NRG4: variants seen among roughly 807,000 people sequenced by gnomAD.
NRG4 encodes the protein pro-neuregulin-4, membrane-bound isoform.
A neutral mutation model predicts 15.0 loss-of-function variants in NRG4; 10 were observed. The ratio of observed to expected loss-of-function variants is 0.67; its 90% CI spans 0.41 to 1.13. NRG4 has a LOEUF of 1.13. Among genes scored for constraint, NRG4 ranks in the 50% most tolerant of loss-of-function variants. The pLI is 0.00. For missense variants in NRG4, 139 were observed against 140.2 expected, an observed-to-expected ratio of 0.99 and a Z score of 0.04; for synonymous variants, 41 against 50.1, an observed-to-expected ratio of 0.82 and a Z score of 0.77.
At chr15:76,033,867 C>T (rs954967927) in intron 5 of NRG4, among the ~76,000 whole-genome samples, 8 of 152,300 alleles carry the variant, frequency 5.3e-5, no homozygotes, top group Middle Eastern at 3.4e-3. Context: ...TGGACTAGAA[C>T]TGTATTACAT....
chr15:75,944,909 CTT>C (rs1020283669), intron 5 of NRG4, among the ~76,000 whole-genome samples: 5 of 151,430 alleles, frequency 3.3e-5, no homozygotes, highest in African/African-American at 1.2e-4. Flanking sequence ...GTTATGATGT[CTT>C]TTTCTTACAA....
At chr15:76,049,111 T>C (rs2035939147) in intron 4 of NRG4, among the ~76,000 whole-genome samples, 1 of 150,440 alleles carries the variant, frequency 6.6e-6, no homozygotes, top group South Asian at 2.1e-4. Flanking sequence ...TTCTCTGAAA[T>C]AAGAGGGTCA....
intron 5 of NRG4, among the ~76,000 whole-genome samples, chr15:76,025,632 T>G (rs1446313258): frequency 6.6e-6 from 1 of 152,070 alleles, no homozygotes; most frequent in Non-Finnish European, 1.5e-5. Flanking sequence ...CCCAGCACTT[T>G]TGGGAGGCCA....
chr15:75,965,758 G>A lies in NRG4; in HGVS notation c.105-3784C>T, dbSNP rs78614620. On this transcript the variant is annotated intron_variant, in intron 3 of 5. Transcript: ENST00000394907. ...AAATTTCAGGCAAACAGAATTAATCGACTCCTTCAAAAGTAAGGGTGGATT... is the reference window on the plus strand; with the variant it reads ...AAATTTCAGGCAAACAGAATTAATCAACTCCTTCAAAAGTAAGGGTGGATT... 2.6e-3 allele frequency among the ~76,000 whole-genome samples: 393 copies of A among 152,212 alleles called. 2 individuals carry two copies. Among genetic ancestry groups the A allele is most frequent in the African/African-American group, 9.0e-3 (372 of 41,534 alleles).
At chr15:75,944,098 G>A (rs1480032244) in intron 5 of NRG4, among the ~76,000 whole-genome samples, 3 of 152,182 alleles carry the variant, frequency 2.0e-5, no homozygotes, top group Non-Finnish European at 4.4e-5. Context: ...AATAAAACCT[G>A]TGGCTAATTG....
At chr15:75,959,088 C>A (rs1377509120) in intron 4 of NRG4, 1 of 376,236 alleles carries the variant, frequency 2.7e-6, no homozygotes, top group Admixed American at 3.1e-5. Flanking sequence ...CTCAAGCGAT[C>A]TTCCCATCTC....
chr15:75,982,506 A>G (rs2141854005), intron 3 of NRG4, among the ~76,000 whole-genome samples: 1 of 152,298 alleles, frequency 6.6e-6, no homozygotes, highest in African/African-American at 2.4e-5. Context: ...CTATAGAATG[A>G]CCACCACTTC....
At chr15:76,057,465 C>A (rs551611157) in intron 1 of NRG4, among the ~76,000 whole-genome samples, 9 of 152,298 alleles carry the variant, frequency 5.9e-5, no homozygotes, top group African/African-American at 1.9e-4. Flanking sequence ...AAGGGCTAAT[C>A]CTCCTCCGGT....
upstream of NRG4, among the ~76,000 whole-genome samples, chr15:76,016,465 A>C (rs1011244861): frequency 6.6e-6 from 1 of 151,910 alleles, no homozygotes; most frequent in South Asian, 2.1e-4. Flanking sequence ...CTTTCTCTTG[A>C]GGGCATTTAG....
At chr15:75,971,330 T>C (rs923290030) in intron 3 of NRG4, 26 of 384,666 alleles carry the variant, frequency 6.8e-5, no homozygotes, top group African/African-American at 5.6e-4. Flanking sequence ...CTATCCCTAT[T>C]GGGTGAGATG....
chr15:75,979,711 G>T (rs987242161), intron 3 of NRG4, among the ~76,000 whole-genome samples: 2 of 152,060 alleles, frequency 1.3e-5, no homozygotes. Context: ...ACTTGAATAA[G>T]AAGTCAATCA....
intron 4 of NRG4, among the ~76,000 whole-genome samples, chr15:76,048,863 A>G (rs1879040353): frequency 6.6e-6 from 1 of 150,464 alleles, no homozygotes; most frequent in Admixed American, 6.6e-5. Flanking sequence ...TGGCCAACAT[A>G]GTAAAACCCC....
intron 5 of NRG4, among the ~76,000 whole-genome samples, chr15:75,955,003 C>T (rs375278743): frequency 6.6e-6 from 1 of 152,042 alleles, no homozygotes; most frequent in South Asian, 2.1e-4. Flanking sequence ...CCCCGTGCCC[C>T]GTGAATAATG....
At chr15:75,973,404 T>C (rs1448213911) in intron 3 of NRG4, among the ~76,000 whole-genome samples, 5 of 152,204 alleles carry the variant, frequency 3.3e-5, no homozygotes, top group African/African-American at 1.2e-4. Flanking sequence ...CAATACTATG[T>C]TGAGTAGGAG....
chr15:76,034,124 AT>A (rs1354200645), intron 5 of NRG4, among the ~76,000 whole-genome samples: 4 of 152,188 alleles, frequency 2.6e-5, no homozygotes, highest in Non-Finnish European at 5.9e-5. Flanking sequence ...TCCCTGGGTG[AT>A]TTTCTATCTG....
chr15:75,940,113 A>G (rs1204359917), downstream of NRG4: 1 of 115,544 alleles, frequency 8.7e-6, no homozygotes, highest in Non-Finnish European at 1.9e-5. Context: ...ATTCCACACC[A>G]AAAAAAAAAA....
At chr15:75,985,606 T>G (rs975313519) in intron 3 of NRG4, among the ~76,000 whole-genome samples, 1 of 152,146 alleles carries the variant, frequency 6.6e-6, no homozygotes, top group South Asian at 2.1e-4. Flanking sequence ...AGGAAAAGTT[T>G]CATTTAAGTA....
At chr15:76,016,903 T>C (rs999930598), upstream of NRG4, among the ~76,000 whole-genome samples, 6 of 151,852 alleles carry the variant, frequency 4.0e-5, no homozygotes, top group African/African-American at 1.4e-4. Flanking sequence ...TCTTTCTTGT[T>C]GATCTAATAT....
At chr15:75,951,989 G>A (rs1013551129) in intron 5 of NRG4, among the ~76,000 whole-genome samples, 2 of 152,012 alleles carry the variant, frequency 1.3e-5, no homozygotes, top group Non-Finnish European at 2.9e-5. Flanking sequence ...GTGAGGTTCT[G>A]GTGATGATAA....
Sources: allele counts gnomAD v4.1 joint callset (sites outside exome capture counted in the v4.1 genomes callset), GRCh38; gene constraint gnomAD v4.1.1; transcripts MANE v1.5; gene names NCBI Gene and HGNC (gene_info 2026-07-23, HGNC 2026-07-21).